The following ANP32A variants were observed in gnomAD, a reference collection of about 807,000 sequenced individuals.
ANP32A encodes acidic nuclear phosphoprotein 32 family member A.
In ANP32A, 1 loss-of-function variant was observed where a neutral mutation model predicts 33.9. The observed-to-expected ratio is 0.03, with a 90% CI of 0.01 to 0.14. ANP32A has a LOEUF of 0.14. ANP32A is among the 10% of genes least tolerant of loss of function. The pLI, the probability that ANP32A is intolerant of heterozygous loss-of-function variation, is 1.00. For missense variants in ANP32A, 155 were observed against 306.0 expected, an observed-to-expected ratio of 0.51 and a Z score of 3.68; for synonymous variants, 115 against 120.5, an observed-to-expected ratio of 0.95 and a Z score of 0.30.
At chr15:68,806,498 T>C (rs1434152861) in intron 1 of ANP32A, among the ~76,000 whole-genome samples, 1 of 152,196 alleles carries the variant, frequency 6.6e-6, no homozygotes, top group African/African-American at 2.4e-5. Flanking sequence ...AGAGCAACCC[T>C]GGAGGGCTCT....
chr15:68,818,461 C>T (rs1894420341), intron 1 of ANP32A: 1 of 154,040 alleles, frequency 6.5e-6, no homozygotes, highest in African/African-American at 2.4e-5. Flanking sequence ...AGCTTTCTCC[C>T]CCTCCCCCGC....
intron 1 of ANP32A, among the ~76,000 whole-genome samples, chr15:68,820,032 C>T (rs1230178490): frequency 6.6e-6 from 1 of 152,062 alleles, no homozygotes; most frequent in African/African-American, 2.4e-5. Flanking sequence ...CCGTCTCTCG[C>T]CTCATCACTG....
At chr15:68,820,596 G>T in intron 1 of ANP32A, 102 bp downstream of exon 1, 1 of 458,256 alleles carries the variant, frequency 2.2e-6, no homozygotes. Context: ...CACCTCCCGG[G>T]CGCCCCCCCC....
chr15:68,799,937 G>A (rs1417096025), intron 1 of ANP32A, among the ~76,000 whole-genome samples: 4 of 152,156 alleles, frequency 2.6e-5, no homozygotes. Context: ...TAAGATCAGA[G>A]TGCAGGAATC....
In ANP32A at chr15:68,793,127, C is replaced by T. The variant is rs559227845; in HGVS notation, c.55-5208G>A. On this transcript the variant is annotated intron_variant, in intron 1 of 6. Transcript: ENST00000465139. ...ATCATTTACTCGTGTATTAAGCATCCGATCCTCCTAGAGGTCAGGGACTGT... is the reference window on the plus strand; with the variant it reads ...ATCATTTACTCGTGTATTAAGCATCTGATCCTCCTAGAGGTCAGGGACTGT... 1.3e-3 allele frequency among the ~76,000 whole-genome samples: 201 copies of T among 152,202 alleles called. 3 individuals are homozygous for T. The highest frequency in any genetic ancestry group is 4.6e-3 in the African/African-American group (191 of 41,522).
chr15:68,796,731 G>A (rs1262683640), intron 1 of ANP32A, among the ~76,000 whole-genome samples: 1 of 152,194 alleles, frequency 6.6e-6, no homozygotes, highest in East Asian at 1.9e-4. Context: ...GATGACCTGG[G>A]CTTTGGTCCG....
In ANP32A at chr15:68,780,289, G is replaced by C; in HGVS notation, c.688+121C>G. On this transcript the variant is annotated intron_variant, in intron 6 of 6. Transcript: ENST00000465139. This position sits in a 1 kb window ranked among gnomAD's most constrained non-coding sequence, Gnocchi z 4.3. ...CAAGACATCTGCACAGCTGGAAGGG[G>C]AATCTGAGGCCTCTGACAGGAGTGT... The C allele has an allele frequency of 6.4e-7, 1 of 1,568,338 alleles. No homozygotes were observed. The highest frequency in any genetic ancestry group is 1.2e-5 in the South Asian group (1 of 85,258).
chr15:68,784,208 G>A, intron 4 of ANP32A, 189 bp downstream of exon 4: 1 of 639,060 alleles, frequency 1.6e-6, no homozygotes, highest in South Asian at 1.9e-5. Flanking sequence ...AGGGACTATG[G>A]AAAACAAAGC....
intron 1 of ANP32A, among the ~76,000 whole-genome samples, chr15:68,796,740 C>T (rs903420808): frequency 6.6e-5 from 10 of 152,280 alleles, no homozygotes; most frequent in South Asian, 2.1e-4. Flanking sequence ...GGCTTTGGTC[C>T]GCCTTGCCGC....
intron 1 of ANP32A, among the ~76,000 whole-genome samples, chr15:68,803,474 CCCTAATTATGTCTTAG>C (rs1894166732): frequency 6.6e-6 from 1 of 152,154 alleles, no homozygotes; most frequent in South Asian, 2.1e-4. Flanking sequence ...GCACCTAAGC[CCCTAATTATGTCTTAG>C]CCTACTTTTA....
rs536489980 is a variant in ANP32A at position 68,792,378 on chromosome 15, C to T, written c.55-4459G>A. 10 of 152,184 alleles carry T rather than the reference C, an allele frequency of 6.6e-5. No homozygotes were observed. In the East Asian group the frequency reaches 1.5e-3, roughly 24 times the overall value. The allele number at this position is 152,184 out of a possible 1,614,324, so 9.4% of individuals were successfully genotyped here. ...AATGCTTCATTCCTCAAGTGAACAC[C>T]TAAAAGGAGCCCTCATATTCATAAG... On this transcript the variant is annotated intron_variant, in intron 1 of 6. Coordinates refer to ENST00000465139, the MANE Select transcript of ANP32A (RefSeq NM_006305.4).
intron 1 of ANP32A, among the ~76,000 whole-genome samples, chr15:68,797,231 A>C (rs752266162): frequency 9.9e-5 from 15 of 152,166 alleles, no homozygotes; most frequent in Non-Finnish European, 2.1e-4. Flanking sequence ...TCTGATGTCT[A>C]TCCTCTCACA....
At chr15:68,814,406 A>G (rs776534475) in intron 1 of ANP32A, among the ~76,000 whole-genome samples, 75 of 151,980 alleles carry the variant, frequency 4.9e-4, no homozygotes, top group Non-Finnish European at 8.8e-4. Context: ...CAAAAATTAT[A>G]AAATAAATAA....
At chr15:68,785,704 A>G (rs1041875010) in intron 3 of ANP32A, among the ~76,000 whole-genome samples, 7 of 152,134 alleles carry the variant, frequency 4.6e-5, no homozygotes, top group Non-Finnish European at 1.0e-4. Context: ...GGGGCGGAGA[A>G]AGCACTGAGA....
At chr15:68,807,339 C>T (rs1894244691) in intron 1 of ANP32A, among the ~76,000 whole-genome samples, 1 of 147,432 alleles carries the variant, frequency 6.8e-6, no homozygotes, top group Non-Finnish European at 1.5e-5. Context: ...GGTGAGCCAG[C>T]GCGACAGCCC....
chr15:68,817,053 AAGTT>A (rs1271885606), intron 1 of ANP32A, among the ~76,000 whole-genome samples: 4 of 152,310 alleles, frequency 2.6e-5, no homozygotes, highest in African/African-American at 9.6e-5. Context: ...ACTGCCATGA[AAGTT>A]AGTTTCTGCA....
At chr15:68,788,263 C>T (rs978896837) in intron 1 of ANP32A, among the ~76,000 whole-genome samples, 2 of 152,218 alleles carry the variant, frequency 1.3e-5, no homozygotes, top group Non-Finnish European at 2.9e-5. Context: ...TCCAACCCTG[C>T]TCTCGCATTC....
rs1893829432 is a variant in ANP32A at position 68,779,019 on chromosome 15, G to A, written c.*1062C>T. The A allele has an allele frequency of 6.6e-6, 1 of 152,168 alleles. No homozygotes were observed. Among genetic ancestry groups the A allele is most frequent in the Non-Finnish European group, 1.5e-5 (1 of 68,028 alleles). The allele number at this position is 152,168 out of a possible 1,614,324, so 9.4% of individuals were successfully genotyped here. On this transcript the variant is annotated 3_prime_UTR_variant, in exon 7 of 7. Coordinates refer to ENST00000465139, the MANE Select transcript of ANP32A (RefSeq NM_006305.4). ...GGTGCAGATGTTCTTTTATACAGAT[G>A]AAACATGGGTTCAGAAATTACACGT... is the stretch of plus-strand genomic sequence containing the variant.
chr15:68,789,451 C>T (rs1228653772), intron 1 of ANP32A: 1 of 152,314 alleles, frequency 6.6e-6, no homozygotes, highest in Non-Finnish European at 1.5e-5. Context: ...GCTCCTGCTC[C>T]TTTGAGCAGG....
Sources: gnomAD v4.1 joint callset for allele counts (sites outside exome capture counted in the v4.1 genomes callset) on GRCh38, gnomAD v4.1.1 for gene constraint, Gnocchi (gnomAD v3.1) non-coding constraint, MANE v1.5 for transcripts, NCBI Gene and HGNC (gene_info 2026-07-23, HGNC 2026-07-21) for gene names.